The following CCDC149 variants were observed in gnomAD, a reference collection of about 807,000 sequenced individuals.
The protein encoded by CCDC149 is coiled-coil domain-containing protein 149.
A neutral mutation model predicts 59.9 loss-of-function variants in CCDC149; 45 were observed. The observed-to-expected ratio is 0.75, with a 90% CI of 0.59 to 0.96. The LOEUF is 0.96. Ranked by LOEUF, CCDC149 falls within the 40% of genes least tolerant of loss-of-function variation. The pLI, the probability that CCDC149 is intolerant of heterozygous loss-of-function variation, is 0.00. For synonymous variants in CCDC149, 245 were observed against 260.6 expected (o/e 0.94, Z 0.58); for missense variants, 584 against 664.7 (o/e 0.88, Z 1.33).
At chr4:24,827,897 A>G (rs906666881) in intron 9 of CCDC149, 3 of 152,270 alleles carry the variant, frequency 2.0e-5, no homozygotes, top group Admixed American at 6.5e-5. Flanking sequence ...AAATTAATTA[A>G]TTATTATTTT....
chr4:24,870,530 G>A (rs1577431655), intron 3 of CCDC149, among the ~76,000 whole-genome samples: 2 of 152,204 alleles, frequency 1.3e-5, no homozygotes, highest in Admixed American at 6.5e-5. Flanking sequence ...CAGTCCTAAA[G>A]GGACAGAAAC....
chr4:24,941,859 C>A (rs962929267), intron 1 of CCDC149, among the ~76,000 whole-genome samples: 1 of 152,186 alleles, frequency 6.6e-6, no homozygotes, highest in African/African-American at 2.4e-5. Context: ...GAAGTTGAAT[C>A]TCTGAATAGA....
At chr4:24,825,804 A>C (rs987195891) in intron 9 of CCDC149, among the ~76,000 whole-genome samples, 1 of 152,006 alleles carries the variant, frequency 6.6e-6, no homozygotes, top group Non-Finnish European at 1.5e-5. Flanking sequence ...TGCTTATTAA[A>C]ACTGTAGAGC....
intron 1 of CCDC149, among the ~76,000 whole-genome samples, chr4:24,956,600 T>C (rs1313196921): frequency 2.0e-5 from 3 of 152,152 alleles, no homozygotes; most frequent in Non-Finnish European, 4.4e-5. Context: ...GAGCGAGAAG[T>C]ACTATGGATG....
At chr4:24,817,813 G>T (rs1577378184) in intron 12 of CCDC149, among the ~76,000 whole-genome samples, 1 of 152,058 alleles carries the variant, frequency 6.6e-6, no homozygotes, top group African/African-American at 2.4e-5. Flanking sequence ...GAGTTGGTTT[G>T]TTACCCAATA....
chr4:24,951,451 T>G (rs1011323910), intron 1 of CCDC149, among the ~76,000 whole-genome samples: 2 of 152,150 alleles, frequency 1.3e-5, no homozygotes, highest in African/African-American at 4.8e-5. Flanking sequence ...AGGCTATTAT[T>G]AATGGGAAAA....
At chr4:24,897,158 G>A (rs1720893178) in intron 1 of CCDC149, among the ~76,000 whole-genome samples, 1 of 152,100 alleles carries the variant, frequency 6.6e-6, no homozygotes, top group Non-Finnish European at 1.5e-5. Context: ...TTTAGTCTGG[G>A]GGCAAGAGAG....
intron 12 of CCDC149, among the ~76,000 whole-genome samples, chr4:24,810,887 A>C (rs908738388): frequency 2.0e-5 from 3 of 152,236 alleles, no homozygotes; most frequent in African/African-American, 7.2e-5. Flanking sequence ...TACATTAATA[A>C]AGAAAATAAA....
intron 1 of CCDC149, among the ~76,000 whole-genome samples, chr4:24,893,012 C>A (rs572509551): frequency 5.3e-5 from 8 of 152,290 alleles, no homozygotes; most frequent in African/African-American, 1.9e-4. Context: ...AACAAACCTA[C>A]TACCATGATA....
intron 3 of CCDC149, 151 bp from the exon 4 acceptor site, chr4:24,853,330 G>A: frequency 1.5e-6 from 1 of 649,848 alleles, no homozygotes; most frequent in Non-Finnish European, 2.7e-6. Flanking sequence ...CAGCCAGTGT[G>A]TGAATCACAC....
chr4:24,831,586 G>T lies in CCDC149; in HGVS notation c.885C>A (p.Asp295Glu). 6.2e-7 allele frequency: 1 copy of T among 1,614,046 alleles called. No individual in the cohort carries two copies. Among genetic ancestry groups the T allele is most frequent in the Non-Finnish European group, 8.5e-7 (1 of 1,179,954 alleles). Residue 295 changes from aspartate (D) to glutamate (E), a missense_variant, in exon 9 of 13, where the codon GAC becomes GAA. Coordinates refer to ENST00000635206, the MANE Select transcript of CCDC149 (RefSeq NM_001330643.2). ...ACAGGGCTGTTGCCAGAGATTTCAG[G>T]TCAGAAATGGACTGCGGAGTAGCTG...
At chr4:24,972,264 T>C (rs1268858308) in intron 1 of CCDC149, among the ~76,000 whole-genome samples, 3 of 151,664 alleles carry the variant, frequency 2.0e-5, no homozygotes, top group African/African-American at 7.3e-5. Context: ...GTGTTGATTG[T>C]GGTTGAGGAC....
intron 3 of CCDC149, among the ~76,000 whole-genome samples, chr4:24,860,971 G>C (rs749943554): frequency 6.6e-6 from 1 of 152,112 alleles, no homozygotes; most frequent in Non-Finnish European, 1.5e-5. Context: ...AATAGATGTT[G>C]GCATGGATGT....
intron 1 of CCDC149, among the ~76,000 whole-genome samples, chr4:24,967,493 C>T (rs1270244365): frequency 1.3e-5 from 2 of 152,052 alleles, no homozygotes; most frequent in African/African-American, 2.4e-5. Context: ...GATGACAGAA[C>T]TGGGACAGTA....
intron 10 of CCDC149, 136 bp downstream of exon 10, chr4:24,822,361 C>G (rs1168412080): frequency 2.0e-6 from 1 of 489,360 alleles, no homozygotes; most frequent in African/African-American, 2.1e-5. Flanking sequence ...ATTTTTTCAG[C>G]AATGATCTAC....
intron 1 of CCDC149, among the ~76,000 whole-genome samples, chr4:24,889,502 G>A (rs1720403254): frequency 6.6e-6 from 1 of 152,180 alleles, no homozygotes; most frequent in South Asian, 2.1e-4. Context: ...TCAGGATGAA[G>A]CACTAAAATT....
intron 1 of CCDC149, among the ~76,000 whole-genome samples, chr4:24,966,574 G>A (rs7691941): frequency 0.75 from 114,705 of 152,068 alleles, 43,470 homozygotes; most frequent in African/African-American, 0.79. Context: ...ACAGGAGAAA[G>A]GAGGGCCCCA....
chr4:24,846,184 C>G (rs699475), intron 4 of CCDC149, among the ~76,000 whole-genome samples: 130,819 of 152,142 alleles, frequency 0.86, 56,365 homozygotes, highest in South Asian at 0.89. Flanking sequence ...AAACATTAGA[C>G]ACTGCTGAAC....
At chr4:24,809,119 G>A (rs1358768962) in intron 12 of CCDC149, among the ~76,000 whole-genome samples, 2 of 152,086 alleles carry the variant, frequency 1.3e-5, no homozygotes, top group East Asian at 1.9e-4. Flanking sequence ...TCTAATGGCC[G>A]CTCCTTGTGC....
Sources: allele counts gnomAD v4.1 joint callset (sites outside exome capture counted in the v4.1 genomes callset), GRCh38; gene constraint gnomAD v4.1.1; transcripts MANE v1.5; gene names NCBI Gene and HGNC (gene_info 2026-07-23, HGNC 2026-07-21).